EPHA3: variants seen among roughly 807,000 people sequenced by gnomAD.
EPHA3 encodes the protein ephrin type-A receptor 3.
Under a neutral mutation model 107.1 loss-of-function variants are expected in EPHA3, and 42 were observed. The observed-to-expected ratio is 0.39, with a 90% CI of 0.31 to 0.51. The LOEUF is 0.51. EPHA3 is among the 20% of genes least tolerant of loss of function. The pLI is 0.78. For synonymous variants in EPHA3, 461 were observed against 424.8 expected, an observed-to-expected ratio of 1.09 and a Z score of -1.05; for missense variants, 1,183 against 1,211.2, an observed-to-expected ratio of 0.98 and a Z score of 0.35.
intron 2 of EPHA3, among the ~76,000 whole-genome samples, chr3:89,166,545 A>T (rs192367853): frequency 6.6e-5 from 10 of 152,334 alleles, no homozygotes; most frequent in Middle Eastern, 3.4e-3. Flanking sequence ...TATAAAAACA[A>T]CACCAACCAT....
chr3:89,365,872 T>A (rs1708176202), intron 5 of EPHA3, among the ~76,000 whole-genome samples: 1 of 150,838 alleles, frequency 6.6e-6, no homozygotes, highest in Admixed American at 6.7e-5. Context: ...TGCATGGGTA[T>A]TTTTTCTTCA....
At chr3:89,312,892 A>G (rs550058727) in intron 3 of EPHA3, among the ~76,000 whole-genome samples, 1 of 152,120 alleles carries the variant, frequency 6.6e-6, no homozygotes, top group Non-Finnish European at 1.5e-5. Flanking sequence ...AGTTCCCTCC[A>G]TGTCCCTGTA....
At chr3:89,467,798 T>C (rs1710316610) in intron 15 of EPHA3, among the ~76,000 whole-genome samples, 1 of 152,202 alleles carries the variant, frequency 6.6e-6, no homozygotes, top group African/African-American at 2.4e-5. Context: ...TGAGCAAATA[T>C]GTAATTTCCA....
chr3:89,242,988 A>G (rs1051477945), intron 3 of EPHA3, among the ~76,000 whole-genome samples: 25 of 143,278 alleles, frequency 1.7e-4, no homozygotes, highest in African/African-American at 6.5e-4. Flanking sequence ...CCCACCTATA[A>G]GTAAGAACAT....
chr3:89,258,824 T>C (rs1468300638), intron 3 of EPHA3, among the ~76,000 whole-genome samples: 1 of 152,130 alleles, frequency 6.6e-6, no homozygotes, highest in Non-Finnish European at 1.5e-5. Context: ...GGTGAACATG[T>C]GACAACAAAA....
intron 5 of EPHA3, among the ~76,000 whole-genome samples, chr3:89,368,137 T>C (rs870900): frequency 0.027 from 4,061 of 150,384 alleles, 206 homozygotes; most frequent in African/African-American, 0.093. Flanking sequence ...TGGTTTCATA[T>C]AATTAGATCA....
chr3:89,202,128 C>T (rs994125411), intron 2 of EPHA3, among the ~76,000 whole-genome samples: 58 of 152,226 alleles, frequency 3.8e-4, no homozygotes, highest in African/African-American at 1.3e-3. Flanking sequence ...TGCAGTACCT[C>T]AAATACAGAA....
At chr3:89,297,486 G>A (rs761491104) in intron 3 of EPHA3, among the ~76,000 whole-genome samples, 3 of 152,124 alleles carry the variant, frequency 2.0e-5, no homozygotes, top group Non-Finnish European at 4.4e-5. Context: ...TCTTTTATGG[G>A]CATGGTTCAT....
At position 89,234,489 on chromosome 3, in the gene EPHA3, G is replaced by A. The variant is rs530331981; in HGVS notation, c.814+23969G>A. On this transcript the variant is annotated intron_variant, in intron 3 of 16. Coordinates refer to ENST00000336596, the MANE Select transcript of EPHA3 (RefSeq NM_005233.6). ...TTTATTTTGGCCAATTTTGTAACTGGGTAATTTTGATGGGTTAAAATTTGA... is the reference window on the plus strand; with the variant it reads ...TTTATTTTGGCCAATTTTGTAACTGAGTAATTTTGATGGGTTAAAATTTGA... Among the ~76,000 whole-genome samples, 8 of 152,116 alleles carry A rather than the reference G, an allele frequency of 5.3e-5. No individual in the cohort carries two copies. The East Asian group carries it at 1.2e-3, about 22-fold the overall frequency.
intron 5 of EPHA3, among the ~76,000 whole-genome samples, chr3:89,355,158 AG>A (rs1190267092): frequency 1.3e-5 from 2 of 150,954 alleles, no homozygotes; most frequent in Non-Finnish European, 3.0e-5. Context: ...AGTTTTTCCT[AG>A]GAAATAGCTT....
chr3:89,424,263 C>T (rs1709413108), intron 11 of EPHA3, among the ~76,000 whole-genome samples: 1 of 151,190 alleles, frequency 6.6e-6, no homozygotes, highest in African/African-American at 2.4e-5. Flanking sequence ...TCTAAAAACT[C>T]ATAACATTAA....
At chr3:89,146,842 G>C (rs775295756) in intron 2 of EPHA3, among the ~76,000 whole-genome samples, 1 of 151,860 alleles carries the variant, frequency 6.6e-6, no homozygotes, top group Non-Finnish European at 1.5e-5. Context: ...AAGGGGCCTA[G>C]TTTCTGTTTT....
At chr3:89,206,970 C>T (rs1029386150) in intron 2 of EPHA3, among the ~76,000 whole-genome samples, 1 of 151,890 alleles carries the variant, frequency 6.6e-6, no homozygotes, top group Non-Finnish European at 1.5e-5. Context: ...GTCAATTTTG[C>T]CTCCAGAAAA....
At position 89,394,461 on chromosome 3, in the gene EPHA3, G is replaced by C. The variant is rs190843307; in HGVS notation, c.1307-1376G>C. ...GGCCAATCCATGCTTCAATTAGAAG[G>C]TGTTCCTATGAGATCTCACAAATAA... On this transcript the variant is annotated intron_variant, in intron 5 of 16. Coordinates refer to ENST00000336596, the MANE Select transcript of EPHA3 (RefSeq NM_005233.6). Among the ~76,000 whole-genome samples the C allele has an allele frequency of 1.8e-4, 27 of 152,288 alleles. No individual in the cohort carries two copies. In the East Asian group the frequency reaches 4.6e-3, roughly 26 times the overall value.
In EPHA3 at chr3:89,396,011, C is replaced by T. The variant is rs1708844507; in HGVS notation, c.1431+50C>T. On this transcript the variant is annotated intron_variant, in intron 6 of 16. Transcript: ENST00000336596. ...GGGCTGTGTAGGCAAGAAGCTGTTT[C>T]CTCATGAGCTGTGCTCTTGCAAAGA... 1.9e-6 allele frequency: 3 copies of T among 1,600,832 alleles called. No homozygotes were observed. In the East Asian group the frequency reaches 6.7e-5, roughly 36 times the overall value.
At chr3:89,227,152 A>G (rs1704521169) in intron 3 of EPHA3, among the ~76,000 whole-genome samples, 1 of 152,062 alleles carries the variant, frequency 6.6e-6, no homozygotes, top group Non-Finnish European at 1.5e-5. Flanking sequence ...ATGTGTATTC[A>G]TATTTTTATA....
At chr3:89,134,305 T>C (rs545391903) in intron 2 of EPHA3, among the ~76,000 whole-genome samples, 9 of 152,038 alleles carry the variant, frequency 5.9e-5, no homozygotes, top group African/African-American at 2.2e-4. Context: ...GCCATGTTGG[T>C]GTGCTGCACC....
intron 7 of EPHA3, among the ~76,000 whole-genome samples, chr3:89,400,618 T>C (rs1345716990): frequency 6.9e-6 from 1 of 145,722 alleles, no homozygotes; most frequent in African/African-American, 2.5e-5. Flanking sequence ...TACATAATTA[T>C]GTGTGTGTGT....
chr3:89,140,012 A>G (rs548811136), intron 2 of EPHA3, among the ~76,000 whole-genome samples: 1 of 151,890 alleles, frequency 6.6e-6, no homozygotes, highest in African/African-American at 2.4e-5. Flanking sequence ...GATCTTTCAT[A>G]AGCCCAAGAG....
Sources: gnomAD v4.1 joint callset for allele counts (sites outside exome capture counted in the v4.1 genomes callset) on GRCh38, gnomAD v4.1.1 for gene constraint, MANE v1.5 for transcripts, NCBI Gene and HGNC (gene_info 2026-07-23, HGNC 2026-07-21) for gene names.